FLI1: variants seen among roughly 807,000 people sequenced by gnomAD.
FLI1 encodes the protein Fli-1 proto-oncogene, ETS transcription factor, also known as Friend leukemia integration 1 transcription factor.
FLI1 carries 13 observed loss-of-function variants against 53.1 expected under a neutral mutation model. The observed-to-expected ratio is 0.24, with a 90% confidence interval of 0.16 to 0.39. The LOEUF (loss-of-function observed/expected upper bound fraction) is 0.39, where lower values mean the gene tolerates loss of function less well. Among genes scored for constraint, FLI1 ranks in the 10% least tolerant of loss-of-function variants. The probability of loss-of-function intolerance (pLI) is 1.00; values close to 1 mark genes in which losing one functional copy is unlikely to be tolerated. For synonymous variants in FLI1, 244 were observed against 236.7 expected, an observed-to-expected ratio of 1.03 and a Z score of -0.28; for missense variants, 424 against 600.5, an observed-to-expected ratio of 0.71 and a Z score of 3.07.
chr11:128,754,496 G>A (rs1474341838), intron 1 of FLI1, among the ~76,000 whole-genome samples: 2 of 152,250 alleles, frequency 1.3e-5, no homozygotes, highest in Non-Finnish European at 2.9e-5. Flanking sequence ...GCATACCTGA[G>A]TAGGGCTTGT....
At position 128,758,328 on chromosome 11, in the gene FLI1, T is replaced by C. The variant is rs758762735; in HGVS notation, c.230+2T>C. On this transcript the variant is annotated splice_donor_variant, in intron 2 of 8. Transcript: ENST00000527786. LOFTEE classifies it high-confidence loss of function. Reference sequence around the variant, plus strand: ...GTATGACCACATGAATGGATCCAGGTAAGCTCACCAGGCCTGTGCAGGATT... The same window carrying C: ...GTATGACCACATGAATGGATCCAGGCAAGCTCACCAGGCCTGTGCAGGATT... The C allele has an allele frequency of 2.0e-5, 33 of 1,611,774 alleles. No homozygotes were observed. Among genetic ancestry groups the C allele is most frequent in the Non-Finnish European group, 2.8e-5 (33 of 1,178,746 alleles).
chr11:128,762,882 G>T (rs1425310193), intron 2 of FLI1, among the ~76,000 whole-genome samples: 1 of 152,090 alleles, frequency 6.6e-6, no homozygotes, highest in Admixed American at 6.5e-5. Context: ...CTTGAATCTG[G>T]GAGACGGAGG....
At chr11:128,706,550 C>G (rs1938553461) in intron 1 of FLI1, among the ~76,000 whole-genome samples, 1 of 152,156 alleles carries the variant, frequency 6.6e-6, no homozygotes, top group African/African-American at 2.4e-5. Context: ...ACTGAGGCTT[C>G]AAGATGTAGT....
upstream of FLI1, among the ~76,000 whole-genome samples, chr11:128,690,885 T>C (rs1937711172): frequency 6.6e-6 from 1 of 152,130 alleles, no homozygotes; most frequent in Non-Finnish European, 1.5e-5. Context: ...ATGGCACTCA[T>C]ACCAGCTCCT....
intron 5 of FLI1, among the ~76,000 whole-genome samples, chr11:128,791,978 C>T (rs1366917796): frequency 6.6e-6 from 1 of 152,180 alleles, no homozygotes; most frequent in African/African-American, 2.4e-5. Context: ...TGCTCAATTC[C>T]ACCTTCCTTT....
At chr11:128,796,710 C>G (rs1021210416) in intron 5 of FLI1, among the ~76,000 whole-genome samples, 3 of 152,202 alleles carry the variant, frequency 2.0e-5, no homozygotes, top group Admixed American at 6.5e-5. Context: ...CGTGGTGGCT[C>G]ACGCCTGTAA....
At chr11:128,704,583 A>T (rs1231481772) in intron 1 of FLI1, among the ~76,000 whole-genome samples, 1 of 152,208 alleles carries the variant, frequency 6.6e-6, no homozygotes, top group East Asian at 1.9e-4. Flanking sequence ...TTTACACTTA[A>T]CTCTTCTAAA....
chr11:128,748,342 T>C, intron 1 of FLI1: 3 of 832,038 alleles, frequency 3.6e-6, no homozygotes, highest in Non-Finnish European at 4.3e-6. Flanking sequence ...TCAACAAGAC[T>C]CCTTGAAAAG....
At position 128,710,176 on chromosome 11, in the gene FLI1, T is replaced by C. The variant is rs1591742044; in HGVS notation, c.18+15900T>C. Among the ~76,000 whole-genome samples, 4 of 152,280 alleles carry C rather than the reference T, an allele frequency of 2.6e-5. No individual in the cohort carries two copies. The South Asian group carries it at 6.2e-4, about 24-fold the overall frequency. On this transcript the variant is annotated intron_variant, in intron 1 of 8. Coordinates refer to ENST00000527786, the MANE Select transcript of FLI1 (RefSeq NM_002017.5). The stretch of plus-strand genomic sequence containing the variant: ...CGGTACACTGCACAACCAAGTATGA[T>C]TATGTGACCAGAAGTGAAGGGAAGG...
chr11:128,724,366 G>A (rs1417383796), intron 1 of FLI1, among the ~76,000 whole-genome samples: 1 of 152,154 alleles, frequency 6.6e-6, no homozygotes, highest in East Asian at 1.9e-4. Context: ...ACGGATATGG[G>A]GCAGCAGGTG....
intron 1 of FLI1, 82 bp downstream of exon 1, chr11:128,694,358 T>C (rs1937926880): frequency 9.0e-7 from 1 of 1,115,150 alleles, no homozygotes; most frequent in Non-Finnish European, 1.2e-6. Flanking sequence ...GGGGCCCGCG[T>C]CCCGGAAGAC....
chr11:128,723,786 A>C (rs894870859), intron 1 of FLI1, among the ~76,000 whole-genome samples: 1 of 152,206 alleles, frequency 6.6e-6, no homozygotes, highest in African/African-American at 2.4e-5. Flanking sequence ...AAAGAGGTGT[A>C]AATGAACACT....
chr11:128,739,594 G>C (rs978135109), intron 1 of FLI1, among the ~76,000 whole-genome samples: 1 of 152,192 alleles, frequency 6.6e-6, no homozygotes, highest in African/African-American at 2.4e-5. Context: ...GGGACAGTGG[G>C]AGGGAGGGAG....
In FLI1 at chr11:128,811,251, T is replaced by C. The variant is rs1942929928; in HGVS notation, c.*263T>C. ...CTCAGTCTCCTAGCATCTTGTGAGTTGCATATTAAGATTACTGGAATGGTT... is the reference window on the plus strand; with the variant it reads ...CTCAGTCTCCTAGCATCTTGTGAGTCGCATATTAAGATTACTGGAATGGTT... On this transcript the variant is annotated 3_prime_UTR_variant, in exon 9 of 9. Transcript: ENST00000527786. 3 of 516,472 alleles carry C rather than the reference T, an allele frequency of 5.8e-6. No homozygotes were observed. In the East Asian group the frequency reaches 1.0e-4, roughly 17 times the overall value. 32.0% of individuals were successfully genotyped at this position (516,472 alleles called of 1,614,324 possible).
chr11:128,720,149 A>T (rs1328924479), intron 1 of FLI1, among the ~76,000 whole-genome samples: 1 of 152,160 alleles, frequency 6.6e-6, no homozygotes, highest in African/African-American at 2.4e-5. Flanking sequence ...GTATTATTTT[A>T]TCTAGCCAGA....
chr11:128,806,946 C>T, intron 6 of FLI1: 2 of 387,260 alleles, frequency 5.2e-6, no homozygotes, highest in East Asian at 3.7e-5. Flanking sequence ...ATTATTGTCT[C>T]TCCCATTGGA....
chr11:128,747,775 A>G (rs1940463645), intron 1 of FLI1, among the ~76,000 whole-genome samples: 1 of 152,246 alleles, frequency 6.6e-6, no homozygotes, highest in Non-Finnish European at 1.5e-5. Flanking sequence ...GCCATCTAGA[A>G]AAAGCCACTG....
chr11:128,709,187 G>T (rs1274401763), intron 1 of FLI1, among the ~76,000 whole-genome samples: 5 of 152,098 alleles, frequency 3.3e-5, no homozygotes, highest in Admixed American at 6.5e-5. Context: ...TAGTAATAAT[G>T]CATAACGTTA....
chr11:128,809,026 A>G (rs1011688915), intron 7 of FLI1, 131 bp from the exon 8 acceptor site: 2 of 641,548 alleles, frequency 3.1e-6, no homozygotes, highest in Middle Eastern at 3.6e-4. Context: ...TAAAAGCAGT[A>G]AAGTTTTCTG....
Sources: allele counts gnomAD v4.1 joint callset (sites outside exome capture counted in the v4.1 genomes callset), GRCh38; gene constraint gnomAD v4.1.1; transcripts MANE v1.5; gene names NCBI Gene and HGNC (gene_info 2026-07-23, HGNC 2026-07-21).